CNTN5: variants seen among roughly 807,000 people sequenced by gnomAD.
The protein encoded by CNTN5 is contactin-5.
In CNTN5, 77 loss-of-function variants were observed where a neutral mutation model predicts 129.1. The ratio of observed to expected loss-of-function variants is 0.60; its 90% CI spans 0.50 to 0.72. The LOEUF is 0.72. CNTN5 is among the 30% of genes least tolerant of loss of function. CNTN5 has a pLI of 0.00. For missense variants in CNTN5, 1,478 were observed against 1,328.8 expected, an observed-to-expected ratio of 1.11 and a Z score of -1.75; for synonymous variants, 509 against 465.6, an observed-to-expected ratio of 1.09 and a Z score of -1.20.
At chr11:99,964,248 AG>A (rs375780181) in intron 8 of CNTN5, among the ~76,000 whole-genome samples, 22,881 of 152,104 alleles carry the variant, frequency 0.15, 2,246 homozygotes, top group African/African-American at 0.27. Flanking sequence ...CCGTTTTCAA[AG>A]GGAATGCTTC....
chr11:99,408,428 A>AAAAGAAAGAAAGAAAG (rs1156931446), intron 2 of CNTN5, among the ~76,000 whole-genome samples: 1,088 of 93,332 alleles, frequency 0.012, 15 homozygotes, highest in African/African-American at 0.02. Flanking sequence ...GAAGGAAAGA[A>AAAAGAAAGAAAGAAAG]AAAGAAAGAA....
intron 1 of CNTN5, among the ~76,000 whole-genome samples, chr11:99,275,655 C>A (rs779354495): frequency 6.6e-6 from 1 of 151,636 alleles, no homozygotes; most frequent in Non-Finnish European, 1.5e-5. Context: ...TGGCAGAGCT[C>A]TCTCACATGA....
intron 1 of CNTN5, among the ~76,000 whole-genome samples, chr11:99,250,546 G>T (rs1239706542): frequency 6.6e-6 from 1 of 151,876 alleles, no homozygotes; most frequent in Admixed American, 6.6e-5. Context: ...GGAAATGCAA[G>T]ATATTTGCTT....
chr11:99,348,080 A>T (rs1938025165), intron 2 of CNTN5, among the ~76,000 whole-genome samples: 1 of 152,208 alleles, frequency 6.6e-6, no homozygotes, highest in Non-Finnish European at 1.5e-5. Context: ...AAATAATTGC[A>T]CAAAAGATCA....
At chr11:100,186,777 T>A (rs1053755771) in intron 13 of CNTN5, among the ~76,000 whole-genome samples, 2 of 152,178 alleles carry the variant, frequency 1.3e-5, no homozygotes, top group Non-Finnish European at 2.9e-5. Context: ...AATTCTATAA[T>A]GTAGAAGCCA....
At chr11:100,244,502 T>G (rs1010880069) in intron 16 of CNTN5, among the ~76,000 whole-genome samples, 2 of 152,202 alleles carry the variant, frequency 1.3e-5, no homozygotes, top group African/African-American at 2.4e-5. Context: ...CCTTCAAGTT[T>G]AACTTTTTAT....
chr11:99,764,575 C>T (rs1944691389), intron 3 of CNTN5, among the ~76,000 whole-genome samples: 1 of 152,070 alleles, frequency 6.6e-6, no homozygotes, highest in African/African-American at 2.4e-5. Flanking sequence ...CACCACCATA[C>T]CTGGCTAATT....
At chr11:99,438,277 A>G (rs7131217) in intron 2 of CNTN5, among the ~76,000 whole-genome samples, 31,811 of 152,066 alleles carry the variant, frequency 0.21, 3,680 homozygotes, top group East Asian at 0.41. Context: ...AGATTTTTGA[A>G]TAGTAATTTA....
chr11:99,787,469 G>T (rs781352897), intron 3 of CNTN5, among the ~76,000 whole-genome samples: 1 of 150,150 alleles, frequency 6.7e-6, no homozygotes. Context: ...ATGTATTTGA[G>T]GTTTTGTCTT....
intron 13 of CNTN5, among the ~76,000 whole-genome samples, chr11:100,126,381 G>A (rs1000321362): frequency 1.5e-4 from 23 of 152,166 alleles, no homozygotes; most frequent in African/African-American, 5.1e-4. Context: ...TTGTAATACC[G>A]TCAGTTGGTC....
At chr11:99,406,860 C>T (rs1942094500) in intron 2 of CNTN5, among the ~76,000 whole-genome samples, 1 of 152,130 alleles carries the variant, frequency 6.6e-6, no homozygotes, top group African/African-American at 2.4e-5. Flanking sequence ...GGGAGTACTG[C>T]CAGAATACTG....
intron 1 of CNTN5, among the ~76,000 whole-genome samples, chr11:99,255,876 C>G (rs935439215): frequency 3.3e-5 from 5 of 151,630 alleles, no homozygotes; most frequent in African/African-American, 9.7e-5. Context: ...TTTCGTTTCT[C>G]CACTCTGATA....
chr11:100,231,415 T>C (rs1048894833), intron 16 of CNTN5, among the ~76,000 whole-genome samples: 1 of 152,150 alleles, frequency 6.6e-6, no homozygotes, highest in African/African-American at 2.4e-5. Flanking sequence ...GCAGGATCTA[T>C]AGAACTTGAT....
At chr11:99,138,810 T>A (rs1165957573) in intron 1 of CNTN5, among the ~76,000 whole-genome samples, 1 of 152,192 alleles carries the variant, frequency 6.6e-6, no homozygotes, top group Non-Finnish European at 1.5e-5. Context: ...GATACTGAAA[T>A]GTAAACAAAT....
Position 99,824,435 on chromosome 11 carries a change from T to A in CNTN5, c.277+4670T>A, listed in dbSNP as rs558036795. ...ATATTTCTTATTCATATATGTTGAC[T>A]GTTATTTCTGTTAGAATATTTTACT... On this transcript the variant is annotated intron_variant, in intron 4 of 24. Transcript: ENST00000524871. 1.8e-4 allele frequency among the ~76,000 whole-genome samples: 28 copies of A among 152,162 alleles called. No homozygotes were observed. The East Asian group carries it at 5.2e-3, about 28-fold the overall frequency.
intron 8 of CNTN5, among the ~76,000 whole-genome samples, chr11:100,000,769 A>G (rs147241141): frequency 0.016 from 2,375 of 152,286 alleles, 40 homozygotes; most frequent in South Asian, 0.067. Flanking sequence ...CACCCTTGAA[A>G]TCTAGGAAGA....
chr11:100,170,980 TG>T (rs1164457500), intron 13 of CNTN5, among the ~76,000 whole-genome samples: 3 of 151,956 alleles, frequency 2.0e-5, no homozygotes, highest in Non-Finnish European at 4.4e-5. Flanking sequence ...ATGAGGGGGA[TG>T]AGGCAGGGAA....
chr11:99,445,970 G>C (rs1166973904), intron 2 of CNTN5, among the ~76,000 whole-genome samples: 1 of 151,702 alleles, frequency 6.6e-6, no homozygotes, highest in Non-Finnish European at 1.5e-5. Context: ...TGTAATCCCA[G>C]CTATTCGGGA....
intron 9 of CNTN5, among the ~76,000 whole-genome samples, chr11:100,057,575 C>T (rs1292189217): frequency 6.6e-6 from 1 of 151,828 alleles, no homozygotes; most frequent in East Asian, 1.9e-4. Context: ...GGACATACTG[C>T]TTTAACAAAA....
Sources: allele counts gnomAD v4.1 joint callset (sites outside exome capture counted in the v4.1 genomes callset), GRCh38; gene constraint gnomAD v4.1.1; transcripts MANE v1.5; gene names NCBI Gene and HGNC (gene_info 2026-07-23, HGNC 2026-07-21).